The following APPL1 variants were observed in gnomAD, a reference collection of about 807,000 sequenced individuals.
APPL1 encodes DCC-interacting protein 13-alpha.
In APPL1, 42 loss-of-function variants were observed where a neutral mutation model predicts 106.8. The ratio of observed to expected loss-of-function variants is 0.39; its 90% CI spans 0.31 to 0.51. APPL1 has a LOEUF of 0.51. APPL1 is among the 20% of genes least tolerant of loss of function. APPL1 has a pLI of 0.75. For synonymous variants in APPL1, 263 were observed against 281.8 expected (o/e 0.93, Z 0.67); for missense variants, 769 against 858.2 (o/e 0.90, Z 1.30).
At position 57,269,498 on chromosome 3, in the gene APPL1, C is replaced by T. The variant is rs150010285; in HGVS notation, c.1984-43C>T. On this transcript the variant is annotated intron_variant, in intron 21 of 21. Transcript: ENST00000288266. ...CTTAACTGCATAATTTGCCATTTGA[C>T]TGCAGACAAGTAACTTAGTTTCTTT... The T allele has an allele frequency of 1.1e-5, 18 of 1,605,430 alleles. No homozygotes were observed. In the East Asian group the frequency reaches 3.6e-4, roughly 32 times the overall value.
intron 16 of APPL1, 68 bp downstream of exon 16, chr3:57,259,148 T>C: frequency 7.4e-7 from 1 of 1,358,174 alleles, no homozygotes; most frequent in Non-Finnish European, 1.0e-6. Context: ...TAATTTATTG[T>C]TTATATTTGC....
chr3:57,258,149 C>A (rs1174059309), intron 15 of APPL1, among the ~76,000 whole-genome samples: 2 of 152,094 alleles, frequency 1.3e-5, no homozygotes, highest in African/African-American at 4.8e-5. Flanking sequence ...TAGCTCTCTG[C>A]TTCCAAAACC....
chr3:57,231,433 T>C (rs2060686662), intron 1 of APPL1, among the ~76,000 whole-genome samples: 1 of 151,358 alleles, frequency 6.6e-6, no homozygotes, highest in African/African-American at 2.4e-5. Flanking sequence ...GCCTTAGTGC[T>C]GGGATTACAG....
chr3:57,264,355 TC>T (rs766613838), intron 19 of APPL1, among the ~76,000 whole-genome samples: 6 of 152,272 alleles, frequency 3.9e-5, no homozygotes, highest in Non-Finnish European at 5.9e-5. Context: ...GTTGATTGTT[TC>T]CTTTGCAGTG....
Position 57,249,405 on chromosome 3 carries a change from C to T in APPL1, c.909C>T (p.Phe303=), listed in dbSNP as rs778477996. The T allele has an allele frequency of 6.2e-6, 10 of 1,614,046 alleles. No individual in the cohort carries two copies. In the South Asian group the frequency reaches 7.7e-5, roughly 12 times the overall value. ...CTACCTGGGACAGACAGTTTTACTTCACGCAGGGTGGAAATTTAATGAGTC... is the reference window on the plus strand; with the variant it reads ...CTACCTGGGACAGACAGTTTTACTTTACGCAGGGTGGAAATTTAATGAGTC... ...VSSTWDRQFY[F]TQGGNLMSQA... The change falls in exon 11 of 22, where the codon TTC becomes TTT. Residue 303 remains phenylalanine (F), a synonymous_variant. Transcript: ENST00000288266.
intron 1 of APPL1, chr3:57,230,742 G>A (rs6798148): frequency 0.028 from 12,909 of 453,126 alleles, 1,452 homozygotes; most frequent in African/African-American, 0.24. Flanking sequence ...GAGCAGCAAA[G>A]AATATGAAGA....
chr3:57,255,954 TAGTG>T (rs1170358344), intron 13 of APPL1, among the ~76,000 whole-genome samples: 2 of 152,212 alleles, frequency 1.3e-5, no homozygotes, highest in Non-Finnish European at 2.9e-5. Flanking sequence ...TTATCTGTAT[TAGTG>T]AGAATAGGAA....
At chr3:57,255,641 CAT>C (rs778588810) in intron 13 of APPL1, among the ~76,000 whole-genome samples, 36 of 152,216 alleles carry the variant, frequency 2.4e-4, no homozygotes, top group Admixed American at 7.8e-4. Flanking sequence ...TACATTGTAA[CAT>C]ATTTATTACA....
intron 6 of APPL1, 42 bp from the exon 7 acceptor site, chr3:57,242,813 GA>G: frequency 3.4e-6 from 5 of 1,465,778 alleles, no homozygotes; most frequent in Non-Finnish European, 4.8e-6. Context: ...TGTAAGTTTT[GA>G]AAAGTACTGT....
At chr3:57,232,768 C>T (rs562061554) in intron 1 of APPL1, among the ~76,000 whole-genome samples, 9 of 152,074 alleles carry the variant, frequency 5.9e-5, no homozygotes, top group Non-Finnish European at 5.9e-5. Flanking sequence ...TTTGGGAGGC[C>T]GAGGCGGGCA....
chr3:57,232,408 T>C (rs1443474830), intron 1 of APPL1, among the ~76,000 whole-genome samples: 2 of 152,198 alleles, frequency 1.3e-5, no homozygotes, highest in African/African-American at 4.8e-5. Context: ...CAAATGTACA[T>C]ACTTGGTTGT....
intron 20 of APPL1, 144 bp downstream of exon 20, chr3:57,267,936 A>G: frequency 1.2e-6 from 1 of 821,756 alleles, no homozygotes; most frequent in South Asian, 1.6e-5. Flanking sequence ...TACTAAAAAT[A>G]CAAAAATTAG....
intron 15 of APPL1, among the ~76,000 whole-genome samples, chr3:57,258,268 C>G (rs558268434): frequency 2.0e-5 from 3 of 152,326 alleles, no homozygotes; most frequent in Non-Finnish European, 2.9e-5. Flanking sequence ...AGGGATCCAC[C>G]TGCCTCACCC....
Position 57,260,751 on chromosome 3 carries a change from G to A in APPL1, c.1819G>A (p.Glu607Lys). The A allele has an allele frequency of 6.2e-7, 1 of 1,609,064 alleles. No homozygotes were observed. The highest frequency in any genetic ancestry group is 2.2e-5 in the East Asian group (1 of 44,730). ...SNLSSVCYIFESNNEGEKICD... is the reference protein window; with the variant it reads ...SNLSSVCYIFKSNNEGEKICD... The stretch of plus-strand genomic sequence containing the variant: ...TCTGTCATCAGTCTGCTATATATTT[G>A]AGTCAAACAATGAGGGGGAAAAGGT... Residue 607 changes from glutamate to lysine, a missense_variant, in exon 19 of 22, where the codon GAG (glutamate) becomes AAG (lysine). Glu to Lys is a moderately conservative substitution (Grantham distance 56). Transcript: ENST00000288266.
At position 57,255,191 on chromosome 3, in the gene APPL1, G is replaced by T. The variant is rs1053611239; in HGVS notation, c.1152+1453G>T. Among the ~76,000 whole-genome samples the T allele has an allele frequency of 2.6e-5, 4 of 152,042 alleles. No homozygotes were observed. In the East Asian group the frequency reaches 7.7e-4, roughly 29 times the overall value. ...GGAGTCAAGTAGGTACTGCAGTATA[G>T]TTGGAAGAGGACTTGACTCTAGGAC... is the stretch of plus-strand genomic sequence containing the variant. On this transcript the variant is annotated intron_variant, in intron 13 of 21. Coordinates refer to ENST00000288266, the MANE Select transcript of APPL1 (RefSeq NM_012096.3).
rs147166062 is a variant in APPL1, at chr3:57,238,087, T to C, written c.256T>C (p.Leu86=). 5.6e-3 allele frequency: 8,964 copies of C among 1,611,706 alleles called. 42 individuals are homozygous for C. Among genetic ancestry groups the C allele is most frequent in the Non-Finnish European group, 6.1e-3 (7,228 of 1,179,200 alleles). ...GGDDEVMSST[L]QQFSKVIDEL... is the part of the protein sequence containing the mutation. The stretch of plus-strand genomic sequence containing the variant: ...TGATGATGAAGTTATGAGCTCTACA[T>C]TGCAACAGTTTTCAAAAGTTATAGA... The change falls in exon 4 of 22, where the codon TTG becomes CTG. Residue 86 remains leucine, a synonymous_variant. Coordinates refer to ENST00000288266, the MANE Select transcript of APPL1 (RefSeq NM_012096.3).
At position 57,267,726 on chromosome 3, in the gene APPL1, C is replaced by T. The variant is rs758968036; in HGVS notation, c.1843-16C>T. On this transcript the variant is annotated splice_polypyrimidine_tract_variant and intron_variant, in intron 19 of 21. Coordinates refer to ENST00000288266, the MANE Select transcript of APPL1 (RefSeq NM_012096.3). ...GTGAGAACTGCCTGAATTTTTCATA[C>T]TTTTTCTCTTTTTAGATATGTGATT... The T allele has an allele frequency of 1.2e-5, 20 of 1,613,000 alleles. No homozygotes were observed. The South Asian group carries it at 2.1e-4, about 17-fold the overall frequency.
At chr3:57,233,954 C>T (rs2060702589) in intron 1 of APPL1, among the ~76,000 whole-genome samples, 1 of 151,974 alleles carries the variant, frequency 6.6e-6, no homozygotes, top group Admixed American at 6.6e-5. Flanking sequence ...CATGGTGGCA[C>T]ATGCCTGTAG....
At chr3:57,234,413 T>C (rs1193634677) in intron 1 of APPL1, among the ~76,000 whole-genome samples, 1 of 149,252 alleles carries the variant, frequency 6.7e-6, no homozygotes, top group African/African-American at 2.5e-5. Context: ...TTCTCCTGCC[T>C]CAGCCTCCTG....
Sources: allele counts gnomAD v4.1 joint callset (sites outside exome capture counted in the v4.1 genomes callset), GRCh38; gene constraint gnomAD v4.1.1; transcripts MANE v1.5; gene names NCBI Gene and HGNC (gene_info 2026-07-23, HGNC 2026-07-21).